FRYL: variants seen among roughly 807,000 people sequenced by gnomAD.
FRYL encodes protein furry homolog-like.
A neutral mutation model predicts 351.2 loss-of-function variants in FRYL; 150 were observed. That is an observed-to-expected ratio of 0.43 (90% CI 0.37 to 0.49). The LOEUF (loss-of-function observed/expected upper bound fraction) is 0.49. Among genes scored for constraint, FRYL ranks in the 20% least tolerant of loss-of-function variants. The probability of loss-of-function intolerance (pLI) is 0.00; values close to 1 mark genes in which losing one functional copy is unlikely to be tolerated. For missense variants in FRYL, 3,036 were observed against 3,619.3 expected (o/e 0.84, Z 4.13); for synonymous variants, 1,153 against 1,257.1 (o/e 0.92, Z 1.75).
chr4:48,540,074 A>G lies in FRYL; in HGVS notation c.6296-6T>C. ...AAGGATGTTAAGAGGAAAGCCTATCAAAACAAAAAAAAGCAAACAATAACC... is the reference window on the plus strand; with the variant it reads ...AAGGATGTTAAGAGGAAAGCCTATCGAAACAAAAAAAAGCAAACAATAACC... On this transcript the variant is annotated splice_polypyrimidine_tract_variant and splice_region_variant and intron_variant, in intron 46 of 63. Coordinates refer to ENST00000358350, the MANE Select transcript of FRYL (RefSeq NM_015030.2). 1.9e-6 allele frequency: 3 copies of G among 1,599,124 alleles called. No individual in the cohort carries two copies. The highest frequency in any genetic ancestry group is 2.6e-6 in the Non-Finnish European group (3 of 1,172,806).
At position 48,575,047 on chromosome 4, in the gene FRYL, AC is replaced by A. The variant is rs1291328708; in HGVS notation, c.2846+69del. 6 of 1,510,786 alleles carry A rather than the reference AC, an allele frequency of 4.0e-6. No individual in the cohort carries two copies. The African/African-American group carries it at 5.5e-5, about 14-fold the overall frequency. 93.6% of individuals were successfully genotyped at this position (1,510,786 alleles called of 1,614,324 possible). A position where few individuals can be genotyped will look rare whatever the true frequency, so the allele number is the denominator to read the frequency against. ...CTTGACCCTACCACACCTTCTAAGG[AC>A]CCTACCACACCTTCTAAGTAGCACA... is the stretch of plus-strand genomic sequence containing the variant. On this transcript the variant is annotated intron_variant, in intron 25 of 63. Transcript: ENST00000358350.
chr4:48,749,441 A>G (rs895912429), intron 1 of FRYL, among the ~76,000 whole-genome samples: 10 of 152,212 alleles, frequency 6.6e-5, no homozygotes, highest in African/African-American at 2.4e-4. Flanking sequence ...CTGCGAAAGG[A>G]CTGGGAGGAA....
chr4:48,609,743 C>A lies in FRYL; in HGVS notation c.491+1G>T. ...CAATCCCAAGTTAGTATTTTACTTA[C>A]CCTTCCTTATGTTTAAAGTGCTTAA... On this transcript the variant is annotated splice_donor_variant, in intron 8 of 63. Transcript: ENST00000358350. LOFTEE classifies it high-confidence loss of function. The A allele has an allele frequency of 6.7e-7, 1 of 1,497,922 alleles. No individual in the cohort carries two copies. The highest frequency in any genetic ancestry group is 9.2e-7 in the Non-Finnish European group (1 of 1,089,902). The allele number at this position is 1,497,922 out of a possible 1,614,324, so 92.8% of individuals were successfully genotyped here.
At chr4:48,659,303 A>G (rs1002633185) in intron 3 of FRYL, among the ~76,000 whole-genome samples, 1 of 151,098 alleles carries the variant, frequency 6.6e-6, no homozygotes, top group African/African-American at 2.4e-5. Flanking sequence ...GGGAGCCAAG[A>G]TCGCATCACG....
intron 1 of FRYL, among the ~76,000 whole-genome samples, chr4:48,721,801 C>T (rs980991354): frequency 6.6e-5 from 10 of 152,060 alleles, no homozygotes; most frequent in South Asian, 2.1e-4. Context: ...CCACCACACC[C>T]GGCTAATTTA....
At chr4:48,529,808 G>A (rs1295585876) in intron 50 of FRYL, among the ~76,000 whole-genome samples, 4 of 152,078 alleles carry the variant, frequency 2.6e-5, no homozygotes, top group African/African-American at 9.7e-5. Context: ...TCAGGTGCCA[G>A]AGGGAAAAAA....
intron 37 of FRYL, 111 bp downstream of exon 37, chr4:48,551,383 C>T (rs560514931): frequency 1.7e-5 from 10 of 593,172 alleles, no homozygotes; most frequent in South Asian, 1.2e-4. Flanking sequence ...TTTTTTCACT[C>T]GAATTTTAAC....
intron 50 of FRYL, among the ~76,000 whole-genome samples, chr4:48,530,865 T>G (rs1367018706): frequency 1.3e-5 from 2 of 152,210 alleles, no homozygotes; most frequent in East Asian, 3.8e-4. Context: ...GCACTTTTAA[T>G]GTATTCCAGC....
At chr4:48,748,312 C>T (rs1772887404) in intron 1 of FRYL, among the ~76,000 whole-genome samples, 1 of 152,124 alleles carries the variant, frequency 6.6e-6, no homozygotes, top group South Asian at 2.1e-4. Flanking sequence ...CCATTCGCCA[C>T]TCCTGTAAAA....
At chr4:48,580,270 C>G (rs915071472) in intron 22 of FRYL, among the ~76,000 whole-genome samples, 4 of 152,050 alleles carry the variant, frequency 2.6e-5, no homozygotes, top group Admixed American at 6.6e-5. Flanking sequence ...ATTCTTACAT[C>G]AACTTTGGAA....
At chr4:48,643,873 T>C (rs1314813204) in intron 3 of FRYL, among the ~76,000 whole-genome samples, 1 of 152,120 alleles carries the variant, frequency 6.6e-6, no homozygotes, top group African/African-American at 2.4e-5. Flanking sequence ...AAAGACATAG[T>C]CATAGATGGA....
intron 2 of FRYL, among the ~76,000 whole-genome samples, chr4:48,709,294 G>A (rs1578788377): frequency 6.6e-6 from 1 of 152,088 alleles, no homozygotes; most frequent in Non-Finnish European, 1.5e-5. Context: ...CTGGAAAATT[G>A]CTAACATGAA....
At chr4:48,689,289 A>C (rs1350410721) in intron 2 of FRYL, among the ~76,000 whole-genome samples, 1 of 152,236 alleles carries the variant, frequency 6.6e-6, no homozygotes, top group Non-Finnish European at 1.5e-5. Context: ...TCATTCATTA[A>C]ATCAAATGAA....
chr4:48,665,236 T>C (rs558358950), intron 3 of FRYL, among the ~76,000 whole-genome samples: 2 of 152,316 alleles, frequency 1.3e-5, no homozygotes, highest in East Asian at 1.9e-4. Flanking sequence ...GTTCTTTTTA[T>C]ATATTTCACA....
chr4:48,519,759 G>C (rs1724497238), intron 55 of FRYL, among the ~76,000 whole-genome samples: 1 of 151,248 alleles, frequency 6.6e-6, no homozygotes. Context: ...CTTTGGGACA[G>C]AGTCTCGCAC....
chr4:48,721,604 G>C (rs1769481901), intron 1 of FRYL, among the ~76,000 whole-genome samples: 2 of 152,132 alleles, frequency 1.3e-5, no homozygotes, highest in Non-Finnish European at 2.9e-5. Flanking sequence ...CTTAAAACTT[G>C]AACATCTTAT....
intron 55 of FRYL, among the ~76,000 whole-genome samples, chr4:48,519,523 A>G (rs1401322785): frequency 6.9e-6 from 1 of 145,116 alleles, no homozygotes; most frequent in Admixed American, 7.0e-5. Flanking sequence ...TTTATTTTTG[A>G]GATGGAGTCT....
intron 2 of FRYL, among the ~76,000 whole-genome samples, chr4:48,708,935 T>TG (rs1485139931): frequency 1.5e-4 from 20 of 136,988 alleles, no homozygotes; most frequent in South Asian, 7.2e-4. Context: ...TTTTGTTTTT[T>TG]TTTTTGAGAT....
intron 13 of FRYL, among the ~76,000 whole-genome samples, chr4:48,597,577 T>TA (rs1159353967): frequency 6.6e-6 from 1 of 151,918 alleles, no homozygotes; most frequent in Admixed American, 6.6e-5. Context: ...AAAACTGCTC[T>TA]AAAAAAAATA....
Sources: gnomAD v4.1 joint callset for allele counts (sites outside exome capture counted in the v4.1 genomes callset) on GRCh38, gnomAD v4.1.1 for gene constraint, MANE v1.5 for transcripts, NCBI Gene and HGNC (gene_info 2026-07-23, HGNC 2026-07-21) for gene names.